Variants in ZFPM1 observed in about 807,000 individuals in gnomAD.
ZFPM1 encodes the protein zinc finger protein ZFPM1.
In ZFPM1, 28 loss-of-function variants were observed where a neutral mutation model predicts 46.3. The observed-to-expected ratio is 0.60, with a 90% CI of 0.45 to 0.83. The LOEUF is 0.83. ZFPM1 is among the 40% of genes least tolerant of loss of function. ZFPM1 has a pLI of 0.00. For missense variants in ZFPM1, 1,878 were observed against 1,432.4 expected (o/e 1.31, Z -5.02); for synonymous variants, 957 against 675.9 (o/e 1.42, Z -6.45).
At chr16:88,518,643 G>GTAT (rs1352622628) in intron 4 of ZFPM1, among the ~76,000 whole-genome samples, 1 of 149,384 alleles carries the variant, frequency 6.7e-6, no homozygotes, top group Non-Finnish European at 1.5e-5. Flanking sequence ...CCAGGTGGAT[G>GTAT]GATGGATAGA....
At chr16:88,514,635 G>T in intron 4 of ZFPM1, 115 bp downstream of exon 4, 1 of 1,332,632 alleles carries the variant, frequency 7.5e-7, no homozygotes, top group Non-Finnish European at 1.0e-6. Flanking sequence ...TTGAAGATGT[G>T]GGCCTGAGAT....
At chr16:88,487,601 G>T (rs1319164200) in intron 2 of ZFPM1, among the ~76,000 whole-genome samples, 2 of 152,120 alleles carry the variant, frequency 1.3e-5, no homozygotes, top group African/African-American at 2.4e-5. Flanking sequence ...GGCAGACCTT[G>T]GTCCCTGGCT....
At chr16:88,479,204 G>A (rs949919895) in intron 1 of ZFPM1, among the ~76,000 whole-genome samples, 12 of 152,284 alleles carry the variant, frequency 7.9e-5, no homozygotes, top group Admixed American at 3.3e-4. Context: ...GGCTCCCCAC[G>A]CAGGTGGTGC....
At position 88,464,645 on chromosome 16, in the gene ZFPM1, C is replaced by T. The variant is rs553752083; in HGVS notation, c.40+10967C>T. ...AATGGTCGGTGGGCACCCAGGCCCT[C>T]TGGGGCCCTGGCTCAAGCCGATCAT... On this transcript the variant is annotated intron_variant, in intron 1 of 9. Transcript: ENST00000319555. 7.7e-4 allele frequency among the ~76,000 whole-genome samples: 117 copies of T among 152,396 alleles called. 1 individual carries two copies. The highest frequency in any genetic ancestry group is 2.7e-3 in the African/African-American group (111 of 41,598).
chr16:88,490,716 G>A (rs1909516942), intron 3 of ZFPM1, among the ~76,000 whole-genome samples: 1 of 152,192 alleles, frequency 6.6e-6, no homozygotes, highest in African/African-American at 2.4e-5. Flanking sequence ...GCAGCCAGGA[G>A]GATGACCCGG....
At chr16:88,459,313 C>T (rs1318730632) in intron 1 of ZFPM1, among the ~76,000 whole-genome samples, 1 of 152,204 alleles carries the variant, frequency 6.6e-6, no homozygotes, top group Non-Finnish European at 1.5e-5. Context: ...ACCAGAGGGA[C>T]GCTCAGCTCA....
chr16:88,463,737 C>A (rs961300471), intron 1 of ZFPM1, among the ~76,000 whole-genome samples: 3 of 152,220 alleles, frequency 2.0e-5, no homozygotes, highest in South Asian at 2.1e-4. Context: ...TCATAGGAGA[C>A]CTTTCCCTGC....
At chr16:88,466,665 G>A (rs1000991189) in intron 1 of ZFPM1, among the ~76,000 whole-genome samples, 13 of 152,328 alleles carry the variant, frequency 8.5e-5, no homozygotes, top group Middle Eastern at 6.8e-3. Flanking sequence ...CAGAAAATAA[G>A]CTCCTTTGGT....
intron 4 of ZFPM1, among the ~76,000 whole-genome samples, chr16:88,515,958 T>C (rs1177518719): frequency 6.6e-5 from 10 of 151,990 alleles, no homozygotes; most frequent in Admixed American, 6.5e-4. Context: ...CTCTGAACTC[T>C]CAAAGTGTCA....
At position 88,501,641 on chromosome 16, in the gene ZFPM1, G is replaced by GA. The variant is rs1299692175; in HGVS notation, c.268+12488_268+12489insA. Among the ~76,000 whole-genome samples, 233 of 81,350 alleles carry GA rather than the reference G, an allele frequency of 2.9e-3. 13 individuals carry two copies. Among genetic ancestry groups the GA allele is most frequent in the Non-Finnish European group, 4.7e-3 (174 of 36,892 alleles). The allele number at this position is 81,350 out of a possible 152,430, so 53.4% of individuals were successfully genotyped here. A position where few individuals can be genotyped will look rare whatever the true frequency, so the allele number is the denominator to read the frequency against. ...ATGGAGATAGTGGGCCTGGGTGCGTGGGCCATCGCGCAGGTGCTGGTGATG... is the reference window on the plus strand; with the variant it reads ...ATGGAGATAGTGGGCCTGGGTGCGTGAGGCCATCGCGCAGGTGCTGGTGATG... On this transcript the variant is annotated intron_variant, in intron 3 of 9. Coordinates refer to ENST00000319555, the MANE Select transcript of ZFPM1 (RefSeq NM_153813.3).
chr16:88,470,603 G>T, intron 1 of ZFPM1, among the ~76,000 whole-genome samples: 1 of 10,686 alleles, frequency 9.4e-5, no homozygotes. Context: ...GGGTGGTGAC[G>T]CTGAGTGACA....
chr16:88,459,955 C>A (rs1186298036), intron 1 of ZFPM1, among the ~76,000 whole-genome samples: 1 of 151,394 alleles, frequency 6.6e-6, no homozygotes, highest in African/African-American at 2.4e-5. Flanking sequence ...CTCAACCCTG[C>A]TGCTCACATA....
chr16:88,484,450 G>A lies in ZFPM1; in HGVS notation c.41-1489G>A, dbSNP rs78128060. Reference sequence around the variant, plus strand: ...TCTGCCCCATCAGCTCCCCTGACACGTGAACTCAGACACGCGGTTTCCAGA... The same window carrying A: ...TCTGCCCCATCAGCTCCCCTGACACATGAACTCAGACACGCGGTTTCCAGA... On this transcript the variant is annotated intron_variant, in intron 1 of 9. Transcript: ENST00000319555. Among the ~76,000 whole-genome samples, 20 of 152,272 alleles carry A rather than the reference G, an allele frequency of 1.3e-4. No homozygotes were observed. The East Asian group carries it at 2.3e-3, about 18-fold the overall frequency.
intron 2 of ZFPM1, 152 bp from the exon 3 acceptor site, chr16:88,488,879 C>T (rs1011154319): frequency 4.2e-6 from 5 of 1,177,404 alleles, no homozygotes; most frequent in Non-Finnish European, 5.9e-6. Flanking sequence ...GTCTGTCCCA[C>T]CCCAGTGAGA....
At position 88,534,015 on chromosome 16, in the gene ZFPM1, A is replaced by C. The variant is rs779150651; in HGVS notation, c.2057A>C (p.Glu686Ala). Residue 686 changes from glutamate (E) to alanine (A), a missense_variant, in exon 10 of 10, where the codon GAG becomes GCG. Glu to Ala is a moderately radical substitution (Grantham distance 107). Transcript: ENST00000319555. ...GACGACCCCAGCCGCACGCTGTGCGAGGCCTGCAACATCCGCTTCAGCCGC... is the reference window on the plus strand; with the variant it reads ...GACGACCCCAGCCGCACGCTGTGCGCGGCCTGCAACATCCGCTTCAGCCGC... ...AEDDPSRTLC[E>A]ACNIRFSRHE... 2 of 1,367,036 alleles carry C rather than the reference A, an allele frequency of 1.5e-6. No homozygotes were observed. The highest frequency in any genetic ancestry group is 1.9e-6 in the Non-Finnish European group (2 of 1,043,302). 84.7% of individuals were successfully genotyped at this position (1,367,036 alleles called of 1,614,324 possible).
rs1231200730 is a variant in ZFPM1 at position 88,480,193 on chromosome 16, C to T, written c.41-5746C>T. Among the ~76,000 whole-genome samples, 3 of 152,092 alleles carry T rather than the reference C, an allele frequency of 2.0e-5. No individual in the cohort carries two copies. Among genetic ancestry groups the T allele is most frequent in the Admixed American group, 2.0e-4 (3 of 15,280 alleles). ...CCTCCTCTCCCCATCCAGATTGCCA[C>T]CCACTTGCTACTTCCTCCAGGAAGC... On this transcript the variant is annotated intron_variant, in intron 1 of 9. Transcript: ENST00000319555. This position sits in a 1 kb window ranked among gnomAD's most constrained non-coding sequence, Gnocchi z 4.9.
At chr16:88,508,282 G>A (rs1910768470) in intron 3 of ZFPM1, among the ~76,000 whole-genome samples, 1 of 152,156 alleles carries the variant, frequency 6.6e-6, no homozygotes, top group Non-Finnish European at 1.5e-5. Flanking sequence ...GGGTGACAGT[G>A]CAAGATTCTG....
At chr16:88,485,058 G>A (rs1461518050) in intron 1 of ZFPM1, among the ~76,000 whole-genome samples, 5 of 152,208 alleles carry the variant, frequency 3.3e-5, no homozygotes, top group Non-Finnish European at 5.9e-5. Flanking sequence ...GGGTGAGGGT[G>A]TCACCCCAGG....
At position 88,534,321 on chromosome 16, in the gene ZFPM1, G is replaced by A. The variant is rs570344826; in HGVS notation, c.2363G>A (p.Gly788Asp). 1.0e-3 allele frequency: 1,346 copies of A among 1,334,810 alleles called. 19 individuals are homozygous for A. The East Asian group carries it at 0.018, about 18-fold the overall frequency. The allele number at this position is 1,334,810 out of a possible 1,614,324, so 82.7% of individuals were successfully genotyped here. Residue 788 changes from glycine (G) to aspartate (D), a missense_variant, in exon 10 of 10, where the codon GGC becomes GAC. Gly to Asp is a moderately conservative substitution (Grantham distance 94). Transcript: ENST00000319555. ...GPGLAPARSPGPAADGPIDLS... is the reference protein window; with the variant it reads ...GPGLAPARSPDPAADGPIDLS... ...GGCCTCGCCCCTGCGCGCTCGCCCG[G>A]CCCCGCGGCCGACGGCCCCATCGAC...
Sources: allele counts gnomAD v4.1 joint callset (sites outside exome capture counted in the v4.1 genomes callset), GRCh38; gene constraint gnomAD v4.1.1; non-coding constraint Gnocchi (gnomAD v3.1); transcripts MANE v1.5; gene names NCBI Gene and HGNC (gene_info 2026-07-23, HGNC 2026-07-21).